CNTNAP2: variants seen among roughly 807,000 people sequenced by gnomAD.
CNTNAP2 encodes contactin associated protein 2.
CNTNAP2 carries 98 observed loss-of-function variants against 155.2 expected under a neutral mutation model. The ratio of observed to expected loss-of-function variants is 0.63; its 90% CI spans 0.54 to 0.75. The LOEUF (loss-of-function observed/expected upper bound fraction) is 0.75, where lower values mean the gene tolerates loss of function less well. CNTNAP2 is among the 30% of genes least tolerant of loss of function. CNTNAP2 has a pLI of 0.00. For synonymous variants in CNTNAP2, 651 were observed against 631.2 expected (o/e 1.03, Z -0.47); for missense variants, 1,727 against 1,688.1 (o/e 1.02, Z -0.40).
chr7:148,159,078 A>C (rs899709756), intron 17 of CNTNAP2, among the ~76,000 whole-genome samples: 11 of 152,148 alleles, frequency 7.2e-5, no homozygotes, highest in African/African-American at 2.7e-4. Context: ...GTTTCCCATC[A>C]GACGCTTCCC....
chr7:148,080,643 TA>T, intron 15 of CNTNAP2, among the ~76,000 whole-genome samples: 1 of 149,528 alleles, frequency 6.7e-6, no homozygotes, highest in East Asian at 2.0e-4. Context: ...AGAAAACTGA[TA>T]AAGCCTGATG....
intron 4 of CNTNAP2, among the ~76,000 whole-genome samples, chr7:147,049,250 A>G (rs1374244974): frequency 6.6e-6 from 1 of 152,220 alleles, no homozygotes; most frequent in East Asian, 1.9e-4. Flanking sequence ...TCCAGATAAG[A>G]TTCTTTTTCA....
chr7:146,712,300 T>TACATATATGTATACATATCTTATGC (rs1563199258), intron 1 of CNTNAP2, among the ~76,000 whole-genome samples: 1 of 126,642 alleles, frequency 7.9e-6, no homozygotes, highest in African/African-American at 3.3e-5. Flanking sequence ...ATATCTTATG[T>TACATATATGTATACATATCTTATGC]ATACTATATA....
intron 3 of CNTNAP2, among the ~76,000 whole-genome samples, chr7:146,984,690 A>T (rs1305475202): frequency 6.6e-6 from 1 of 152,168 alleles, no homozygotes; most frequent in African/African-American, 2.4e-5. Context: ...AAATAGCTCC[A>T]CATCCTCATT....
intron 1 of CNTNAP2, among the ~76,000 whole-genome samples, chr7:146,708,053 T>G (rs1199227132): frequency 2.0e-5 from 3 of 152,134 alleles, no homozygotes; most frequent in African/African-American, 4.8e-5. Flanking sequence ...TATTCACACC[T>G]GAGGCCTGAG....
chr7:148,135,425 C>A (rs781211367), intron 16 of CNTNAP2, among the ~76,000 whole-genome samples: 1 of 152,206 alleles, frequency 6.6e-6, no homozygotes, highest in Non-Finnish European at 1.5e-5. Flanking sequence ...GATCCACTGG[C>A]TTCTGGTTGC....
chr7:146,721,391 C>A (rs1274378762), intron 1 of CNTNAP2, among the ~76,000 whole-genome samples: 1 of 118,750 alleles, frequency 8.4e-6, no homozygotes, highest in South Asian at 2.5e-4. Context: ...TATATACATT[C>A]TATATACATT....
intron 8 of CNTNAP2, among the ~76,000 whole-genome samples, chr7:147,245,915 A>T (rs1448145598): frequency 6.6e-6 from 1 of 151,106 alleles, no homozygotes; most frequent in Non-Finnish European, 1.5e-5. Flanking sequence ...GTGTATACAC[A>T]TATATATGCA....
At chr7:147,657,165 A>G (rs562860841) in intron 13 of CNTNAP2, among the ~76,000 whole-genome samples, 2 of 152,346 alleles carry the variant, frequency 1.3e-5, no homozygotes, top group East Asian at 3.9e-4. Flanking sequence ...AACAAATCAG[A>G]TTACTTATAT....
chr7:147,578,559 A>G (rs1005100878), intron 12 of CNTNAP2, among the ~76,000 whole-genome samples: 1 of 152,146 alleles, frequency 6.6e-6, no homozygotes, highest in African/African-American at 2.4e-5. Context: ...GGGTTTCTTT[A>G]ACAGTATTAT....
intron 1 of CNTNAP2, among the ~76,000 whole-genome samples, chr7:146,433,967 A>G (rs1796207188): frequency 6.6e-6 from 1 of 152,156 alleles, no homozygotes; most frequent in Non-Finnish European, 1.5e-5. Flanking sequence ...TGGAAAGAAA[A>G]TAATGGTCTT....
At chr7:147,915,705 T>TA (rs11349544) in intron 14 of CNTNAP2, among the ~76,000 whole-genome samples, 2,262 of 140,982 alleles carry the variant, frequency 0.016, 24 homozygotes, top group East Asian at 0.032. Context: ...AAGCTTTGTT[T>TA]AAAAAAAAAA....
chr7:147,260,340 T>C (rs1001923576), intron 8 of CNTNAP2, among the ~76,000 whole-genome samples: 2 of 152,188 alleles, frequency 1.3e-5, no homozygotes, highest in African/African-American at 4.8e-5. Flanking sequence ...GTCTCTAAGA[T>C]ACATTTCATG....
chr7:147,600,500 A>G (rs970569377), intron 12 of CNTNAP2, among the ~76,000 whole-genome samples: 2 of 152,128 alleles, frequency 1.3e-5, no homozygotes, highest in Non-Finnish European at 2.9e-5. Flanking sequence ...ATTTTATATA[A>G]TTTTCATGTA....
Position 146,721,665 on chromosome 7 carries a change from CTA to C in CNTNAP2, c.98-52597_98-52596del, listed in dbSNP as rs1322467133. 6.0e-5 allele frequency among the ~76,000 whole-genome samples: 7 copies of C among 116,556 alleles called. 1 individual carries two copies. The highest frequency in any genetic ancestry group is 2.2e-4 in the East Asian group (1 of 4,456). 76.5% of individuals were successfully genotyped at this position (116,556 alleles called of 152,430 possible). A position where few individuals can be genotyped will look rare whatever the true frequency, so the allele number is the denominator to read the frequency against. ...ATTCTATATATATTCTATATACATT[CTA>C]TATATATACTATATACATTCTATAT... On this transcript the variant is annotated intron_variant, in intron 1 of 23. Coordinates refer to ENST00000361727, the MANE Select transcript of CNTNAP2 (RefSeq NM_014141.6).
At chr7:146,139,377 C>T (rs1332501185) in intron 1 of CNTNAP2, among the ~76,000 whole-genome samples, 1 of 151,982 alleles carries the variant, frequency 6.6e-6, no homozygotes, top group African/African-American at 2.4e-5. Context: ...GCTGTTTTTT[C>T]CCACCACAAA....
intron 12 of CNTNAP2, among the ~76,000 whole-genome samples, chr7:147,606,875 G>A (rs1337479351): frequency 6.6e-6 from 1 of 151,846 alleles, no homozygotes; most frequent in African/African-American, 2.4e-5. Flanking sequence ...TCCTGCATGG[G>A]GGCAGAATTT....
intron 23 of CNTNAP2, among the ~76,000 whole-genome samples, chr7:148,412,554 T>C (rs1365493611): frequency 1.3e-5 from 2 of 152,264 alleles, no homozygotes; most frequent in African/African-American, 2.4e-5. Context: ...CAGCCTTGCC[T>C]TCTGTGACCT....
chr7:147,638,824 C>T, intron 12 of CNTNAP2: 1 of 539,252 alleles, frequency 1.9e-6, no homozygotes, highest in African/African-American at 2.0e-5. Flanking sequence ...TGTTAGAGCA[C>T]CAACAAGATA....
Sources: gnomAD v4.1 joint callset for allele counts (sites outside exome capture counted in the v4.1 genomes callset) on GRCh38, gnomAD v4.1.1 for gene constraint, MANE v1.5 for transcripts, NCBI Gene and HGNC (gene_info 2026-07-23, HGNC 2026-07-21) for gene names.